The following NSMCE4A variants were observed in gnomAD, a reference collection of about 807,000 sequenced individuals.
NSMCE4A encodes the protein NSE4A component of SMC5/6 complex.
Under a neutral mutation model 47.9 loss-of-function variants are expected in NSMCE4A, and 40 were observed. The observed-to-expected ratio is 0.83, with a 90% confidence interval of 0.65 to 1.09. The LOEUF is 1.09. NSMCE4A is among the 50% of genes least tolerant of loss of function. The pLI is 0.00. For synonymous variants in NSMCE4A, 166 were observed against 178.5 expected (o/e 0.93, Z 0.56); for missense variants, 500 against 507.0 (o/e 0.99, Z 0.13).
intron 2 of NSMCE4A, among the ~76,000 whole-genome samples, chr10:121,972,282 C>T (rs1277716183): frequency 6.6e-6 from 1 of 152,084 alleles, no homozygotes; most frequent in East Asian, 1.9e-4. Context: ...CAAGATCATG[C>T]CACTGCACTC....
Position 121,967,697 on chromosome 10 carries a change from G to A in NSMCE4A, c.611C>T (p.Thr204Ile). Residue 204 changes from threonine to isoleucine, a missense_variant, in exon 4 of 11, where the codon ACA (threonine) becomes ATA (isoleucine). Transcript: ENST00000369023. Reference protein sequence around the residue: ...VYDSWKITGRTAENTFNKTHT... With the variant: ...VYDSWKITGRIAENTFNKTHT... ...GGTTTTATTAAAGGTGTTTTCTGCT[G>A]TTCTGCCTGTTATCTTCCAGGAGTC... 1 of 1,613,800 alleles carries A rather than the reference G, an allele frequency of 6.2e-7. No homozygotes were observed. The highest frequency in any genetic ancestry group is 8.5e-7 in the Non-Finnish European group (1 of 1,179,962).
rs551841451 is a variant in NSMCE4A, at chr10:121,974,826, G to C, written c.292+48C>G. ...CTCCCCCCGCGCCCGGCGCAGGGCG[G>C]GGACAGCGGCCCGTCCGGGCCCGCG... On this transcript the variant is annotated intron_variant, in intron 1 of 10. Transcript: ENST00000369023. 9 of 1,326,778 alleles carry C rather than the reference G, an allele frequency of 6.8e-6. No homozygotes were observed. In the South Asian group the frequency reaches 1.9e-4, roughly 28 times the overall value. 82.2% of individuals were successfully genotyped at this position (1,326,778 alleles called of 1,614,324 possible). A position where few individuals can be genotyped will look rare whatever the true frequency, so the allele number is the denominator to read the frequency against.
Position 121,958,152 on chromosome 10 carries a change from G to C in NSMCE4A, c.*13-893C>G, listed in dbSNP as rs368424009. On this transcript the variant is annotated intron_variant, in intron 10 of 10. Transcript: ENST00000369023. ...CTGAAGCAGGAGAATTGCTTGAACC[G>C]GGGAGGCAGAGATTACAGTGAACTG... Among the ~76,000 whole-genome samples, 5 of 152,126 alleles carry C rather than the reference G, an allele frequency of 3.3e-5. No individual in the cohort carries two copies. In the South Asian group the frequency reaches 8.3e-4, roughly 25 times the overall value.
Position 121,974,941 on chromosome 10 carries a change from C to A in NSMCE4A, c.225G>T (p.Ala75=), listed in dbSNP as rs1420600017. 6.5e-7 allele frequency: 1 copy of A among 1,533,558 alleles called. No homozygotes were observed. The highest frequency in any genetic ancestry group is 8.8e-7 in the Non-Finnish European group (1 of 1,142,588). The allele number at this position is 1,533,558 out of a possible 1,614,324, so 95.0% of individuals were successfully genotyped here. Residue 75 remains alanine, a synonymous_variant, in exon 1 of 11, where the codon GCG becomes GCT. Coordinates refer to ENST00000369023, the MANE Select transcript of NSMCE4A (RefSeq NM_017615.3). The part of the protein sequence containing the change: ...DEMMDPASLE[A]EADQGLCRQI... ...GGCGGCACAGGCCTTGGTCGGCCTC[C>A]GCCTCCAAGCTGGCCGGGTCCATCA...
rs1053439151 is a variant in NSMCE4A, at chr10:121,960,281, A to G, written c.988+77T>C. ...TAATCTACATTGAAAATTCATTTAC[A>G]TTTAGTAAAATACTTAAATTCTACT... On this transcript the variant is annotated intron_variant, in intron 8 of 10. Transcript: ENST00000369023. The surrounding 1 kb of genome is among the most constrained non-coding windows in gnomAD (Gnocchi z 4.2). 2.8e-5 allele frequency: 26 copies of G among 936,884 alleles called. No individual in the cohort carries two copies. The highest frequency in any genetic ancestry group is 3.6e-5 in the Non-Finnish European group (24 of 664,276). 58.0% of individuals were successfully genotyped at this position (936,884 alleles called of 1,614,324 possible). A position where few individuals can be genotyped will look rare whatever the true frequency, so the allele number is the denominator to read the frequency against.
rs775603986 is a variant in NSMCE4A at position 121,959,551 on chromosome 10, T to C, written c.1033A>G (p.Thr345Ala). Reference sequence around the variant, plus strand: ...ATAATTCCTTGATTTCTAACTTGTGTGTTATGTTCAAATCCCTCATTTTCT... The same window carrying C: ...ATAATTCCTTGATTTCTAACTTGTGCGTTATGTTCAAATCCCTCATTTTCT... ...NEENEGFEHNTQVRNQGIIAL... is the reference protein window; with the variant it reads ...NEENEGFEHNAQVRNQGIIAL... The change falls in exon 9 of 11, where the codon ACA becomes GCA. Residue 345 changes from threonine (T) to alanine (A), a missense_variant. Physicochemically the swap from Thr to Ala is moderately conservative, Grantham distance 58. Transcript: ENST00000369023. 8 of 1,614,194 alleles carry C rather than the reference T, an allele frequency of 5.0e-6. No homozygotes were observed. In the South Asian group the frequency reaches 6.6e-5, roughly 13 times the overall value.
chr10:121,974,864 G>A lies in NSMCE4A; in HGVS notation c.292+10C>T, dbSNP rs1195586516. On this transcript the variant is annotated intron_variant, in intron 1 of 10. Transcript: ENST00000369023. ...GTCCGGGCCCGCGCCGCCCGGAGGC[G>A]CCGCCTTACGTTGGACGGAGTTGAT... is the stretch of plus-strand genomic sequence containing the variant. 5.5e-6 allele frequency: 8 copies of A among 1,463,400 alleles called. No individual in the cohort carries two copies. Among genetic ancestry groups the A allele is most frequent in the South Asian group, 1.3e-5 (1 of 75,186 alleles). The allele number at this position is 1,463,400 out of a possible 1,614,324, so 90.7% of individuals were successfully genotyped here.
Position 121,960,228 on chromosome 10 carries a change from G to GTTGA in NSMCE4A, c.988+126_988+129dup, listed in dbSNP as rs1475477376. Reference sequence around the variant, plus strand: ...GCCATGTTTTCAGTATCTTCAGGTAGTTGAGCAAGATACAATATTGTAAAA... The same window carrying GTTGA: ...GCCATGTTTTCAGTATCTTCAGGTAGTTGATTGAGCAAGATACAATATTGTAAAA... On this transcript the variant is annotated intron_variant, in intron 8 of 10. Transcript: ENST00000369023. The surrounding 1 kb of genome is among the most constrained non-coding windows in gnomAD (Gnocchi z 4.2). 2 of 579,852 alleles carry GTTGA rather than the reference G, an allele frequency of 3.4e-6. No individual in the cohort carries two copies. The highest frequency in any genetic ancestry group is 5.5e-6 in the Non-Finnish European group (2 of 365,566). 35.9% of individuals were successfully genotyped at this position (579,852 alleles called of 1,614,324 possible). A position where few individuals can be genotyped will look rare whatever the true frequency, so the allele number is the denominator to read the frequency against.
chr10:121,967,904 G>A (rs561062736), intron 3 of NSMCE4A, 98 bp from the exon 4 acceptor site: 12 of 1,224,316 alleles, frequency 9.8e-6, no homozygotes, highest in African/African-American at 1.5e-5. Flanking sequence ...GAGGCCAGAC[G>A]CAAAGCCAGC....
intron 5 of NSMCE4A, among the ~76,000 whole-genome samples, chr10:121,964,106 A>T (rs1224840108): frequency 2.7e-5 from 4 of 146,790 alleles, no homozygotes; most frequent in South Asian, 2.2e-4. Flanking sequence ...AAAAAAAATT[A>T]TGGTTTAAAA....
chr10:121,965,400 G>A lies in NSMCE4A; in HGVS notation c.654-15C>T. The A allele has an allele frequency of 6.4e-7, 1 of 1,573,290 alleles. No individual in the cohort carries two copies. Among genetic ancestry groups the A allele is most frequent in the Non-Finnish European group, 8.7e-7 (1 of 1,152,014 alleles). On this transcript the variant is annotated splice_polypyrimidine_tract_variant and intron_variant, in intron 4 of 10. Transcript: ENST00000369023. ...TTGAACCCAACCTAATGAAAAGTAT[G>A]CTTTCATTTATTTTTTTTGCCTGTT...
intron 1 of NSMCE4A, 78 bp downstream of exon 1, chr10:121,974,796 G>C: frequency 8.2e-7 from 1 of 1,223,898 alleles, no homozygotes; most frequent in Non-Finnish European, 1.0e-6. Flanking sequence ...CCTGCCTCCG[G>C]TGCCCTCCCC....
chr10:121,959,706 TATA>T lies in NSMCE4A; in HGVS notation c.989-114_989-112del, dbSNP rs1448813356. ...ATGAAACCTGTATTGAAAAGATACTTATAATATTACATACTTTTTAGGATTTCA... is the reference window on the plus strand; with the variant it reads ...ATGAAACCTGTATTGAAAAGATACTTATATTACATACTTTTTAGGATTTCA... On this transcript the variant is annotated intron_variant, in intron 8 of 10. Coordinates refer to ENST00000369023, the MANE Select transcript of NSMCE4A (RefSeq NM_017615.3). 29 of 700,958 alleles carry T rather than the reference TATA, an allele frequency of 4.1e-5. No individual in the cohort carries two copies. In the South Asian group the frequency reaches 4.5e-4, roughly 11 times the overall value. 43.4% of individuals were successfully genotyped at this position (700,958 alleles called of 1,614,324 possible). A position where few individuals can be genotyped will look rare whatever the true frequency, so the allele number is the denominator to read the frequency against.
Position 121,961,489 on chromosome 10 carries a change from A to G in NSMCE4A, c.873T>C (p.Phe291=). Residue 291 remains phenylalanine, a synonymous_variant, in exon 7 of 11, where the codon TTT becomes TTC. Coordinates refer to ENST00000369023, the MANE Select transcript of NSMCE4A (RefSeq NM_017615.3). ...GGGGGAAAGAATGAGGATCAACCAC[A>G]AAGTCAAAGAAGGACATTGGGGTAT... The part of the protein sequence containing the change: ...DPDTPMSFFD[F]VVDPHSFPRT... 1 of 1,567,434 alleles carries G rather than the reference A, an allele frequency of 6.4e-7. No individual in the cohort carries two copies. The highest frequency in any genetic ancestry group is 8.6e-7 in the Non-Finnish European group (1 of 1,166,868).
At chr10:121,973,902 A>G (rs1952765272) in intron 2 of NSMCE4A, 102 bp downstream of exon 2, 1 of 790,074 alleles carries the variant, frequency 1.3e-6, no homozygotes. Flanking sequence ...GGAAAGCACT[A>G]TTACAAATGT....
At chr10:121,969,840 C>T (rs1952674172) in intron 3 of NSMCE4A, among the ~76,000 whole-genome samples, 1 of 152,106 alleles carries the variant, frequency 6.6e-6, no homozygotes, top group Admixed American at 6.6e-5. Flanking sequence ...CTTAGCCTCC[C>T]GAGTAGCTGG....
At chr10:121,968,845 G>C (rs990299838) in intron 3 of NSMCE4A, among the ~76,000 whole-genome samples, 1 of 152,092 alleles carries the variant, frequency 6.6e-6, no homozygotes, top group East Asian at 1.9e-4. Flanking sequence ...CTTGCCGCCC[G>C]AACTACCACT....
intron 3 of NSMCE4A, among the ~76,000 whole-genome samples, 175 bp downstream of exon 3, chr10:121,970,763 GA>G (rs1376663037): frequency 6.6e-6 from 1 of 152,130 alleles, no homozygotes; most frequent in Admixed American, 6.6e-5. Flanking sequence ...CCCCACCCAA[GA>G]TTCCACCACA....
At chr10:121,969,353 G>A (rs1952663602) in intron 3 of NSMCE4A, among the ~76,000 whole-genome samples, 1 of 152,058 alleles carries the variant, frequency 6.6e-6, no homozygotes, top group Non-Finnish European at 1.5e-5. Flanking sequence ...TGGGCAACAA[G>A]AGCAAGACTC....
Sources: gnomAD v4.1 joint callset for allele counts (sites outside exome capture counted in the v4.1 genomes callset) on GRCh38, gnomAD v4.1.1 for gene constraint, Gnocchi (gnomAD v3.1) non-coding constraint, MANE v1.5 for transcripts, NCBI Gene and HGNC (gene_info 2026-07-23, HGNC 2026-07-21) for gene names.